RAB2A: variants seen among roughly 807,000 people sequenced by gnomAD.
The protein encoded by RAB2A is ras-related protein Rab-2A.
RAB2A carries 7 observed loss-of-function variants against 32.5 expected under a neutral mutation model. That is an observed-to-expected ratio of 0.22 (90% CI 0.12 to 0.40). The LOEUF (loss-of-function observed/expected upper bound fraction) is 0.40, where lower values mean the gene tolerates loss of function less well. Among genes scored for constraint, RAB2A ranks in the 10% least tolerant of loss-of-function variants. RAB2A has a pLI of 1.00. For synonymous variants in RAB2A, 79 were observed against 85.2 expected (o/e 0.93, Z 0.40); for missense variants, 108 against 260.7 (o/e 0.41, Z 4.03).
At chr8:60,598,933 A>T (rs1804078002) in intron 6 of RAB2A, among the ~76,000 whole-genome samples, 1 of 121,210 alleles carries the variant, frequency 8.3e-6, no homozygotes, top group Non-Finnish European at 1.6e-5. Flanking sequence ...CCAGTGCAGT[A>T]AAGCAAAAAA....
intron 2 of RAB2A, among the ~76,000 whole-genome samples, chr8:60,569,274 G>A (rs563814004): frequency 6.1e-4 from 93 of 151,918 alleles, no homozygotes; most frequent in African/African-American, 2.1e-3. Flanking sequence ...CTTTTAACTG[G>A]TCTCTTTGCT....
At chr8:60,586,133 C>T (rs781048570) in intron 5 of RAB2A, among the ~76,000 whole-genome samples, 3 of 152,022 alleles carry the variant, frequency 2.0e-5, no homozygotes, top group Non-Finnish European at 4.4e-5. Flanking sequence ...GACTCCATCT[C>T]TACAACAAAT....
At chr8:60,619,127 G>A (rs1445510717) in intron 7 of RAB2A, 1 of 149,590 alleles carries the variant, frequency 6.7e-6, no homozygotes, top group African/African-American at 2.6e-5. Context: ...ATGTTTTCAG[G>A]AGACTAAATT....
intron 6 of RAB2A, among the ~76,000 whole-genome samples, chr8:60,595,639 G>A (rs571421776): frequency 6.6e-6 from 1 of 152,260 alleles, no homozygotes; most frequent in African/African-American, 2.4e-5. Context: ...TTATCAGAGT[G>A]GGACATTATA....
At position 60,622,409 on chromosome 8, in the gene RAB2A, G is replaced by A. The variant is rs1028751517; in HGVS notation, c.*1640G>A. 1 of 152,198 alleles carries A rather than the reference G, an allele frequency of 6.6e-6. No homozygotes were observed. Among genetic ancestry groups the A allele is most frequent in the African/African-American group, 2.4e-5 (1 of 41,442 alleles). The allele number at this position is 152,198 out of a possible 1,614,324, so 9.4% of individuals were successfully genotyped here. A position where few individuals can be genotyped will look rare whatever the true frequency, so the allele number is the denominator to read the frequency against. On this transcript the variant is annotated 3_prime_UTR_variant, in exon 8 of 8. Transcript: ENST00000262646. ...ATAGTTTTGTTTTAACTGTCTCCTTGAGGGCAGAGGGAAGGGTGAGAGAAA... is the reference window on the plus strand; with the variant it reads ...ATAGTTTTGTTTTAACTGTCTCCTTAAGGGCAGAGGGAAGGGTGAGAGAAA...
At chr8:60,620,034 AT>A (rs1804504247) in intron 7 of RAB2A, among the ~76,000 whole-genome samples, 1 of 152,234 alleles carries the variant, frequency 6.6e-6, no homozygotes, top group Non-Finnish European at 1.5e-5. Flanking sequence ...TAAATCTGAG[AT>A]TTACTGTGAC....
chr8:60,573,082 T>TAGTC (rs71557798), intron 3 of RAB2A, among the ~76,000 whole-genome samples: 80,695 of 151,644 alleles, frequency 0.53, 24,294 homozygotes, highest in African/African-American at 0.83. Context: ...CTCACACAAA[T>TAGTC]AGTTGGGAAA....
rs551958626 is a variant in RAB2A at position 60,594,630 on chromosome 8, C to A, written c.474+2661C>A. ...TATTTCTCCTAATGCTATCCCTCCCCCAGCCCTTCAACCCCCAACAGGCCC... is the reference window on the plus strand; with the variant it reads ...TATTTCTCCTAATGCTATCCCTCCCACAGCCCTTCAACCCCCAACAGGCCC... On this transcript the variant is annotated intron_variant, in intron 6 of 7. Transcript: ENST00000262646. Among the ~76,000 whole-genome samples the A allele has an allele frequency of 5.3e-5, 8 of 152,244 alleles. No individual in the cohort carries two copies. The East Asian group carries it at 1.4e-3, about 26-fold the overall frequency.
At chr8:60,561,700 G>A (rs1808028265) in intron 2 of RAB2A, among the ~76,000 whole-genome samples, 1 of 152,136 alleles carries the variant, frequency 6.6e-6, no homozygotes, top group African/African-American at 2.4e-5. Flanking sequence ...AGAGTTCATT[G>A]GCTCAATTTG....
intron 1 of RAB2A, among the ~76,000 whole-genome samples, chr8:60,557,717 C>T (rs551365317): frequency 6.6e-6 from 1 of 151,088 alleles, no homozygotes; most frequent in South Asian, 2.1e-4. Flanking sequence ...AGATGCGCAC[C>T]ACCACACCCA....
chr8:60,580,032 T>C (rs1014325250), intron 3 of RAB2A, among the ~76,000 whole-genome samples: 1 of 150,958 alleles, frequency 6.6e-6, no homozygotes, highest in Non-Finnish European at 1.5e-5. Flanking sequence ...AGTCTCACTC[T>C]GTTGCCCAGG....
intron 1 of RAB2A, among the ~76,000 whole-genome samples, chr8:60,553,993 G>A (rs1008853764): frequency 1.3e-5 from 2 of 152,140 alleles, no homozygotes; most frequent in Admixed American, 1.3e-4. Flanking sequence ...AGGGGACAAT[G>A]GTTTGTTGTT....
intron 1 of RAB2A, among the ~76,000 whole-genome samples, chr8:60,550,068 T>C (rs1337975492): frequency 6.6e-6 from 1 of 152,140 alleles, no homozygotes; most frequent in Non-Finnish European, 1.5e-5. Context: ...TACTCACATA[T>C]TCACTTGTCT....
chr8:60,569,723 G>A (rs981916058), intron 2 of RAB2A, among the ~76,000 whole-genome samples: 6 of 152,036 alleles, frequency 3.9e-5, no homozygotes, highest in Non-Finnish European at 7.4e-5. Flanking sequence ...ACGTTGTCCA[G>A]GCTAGTTTCA....
At position 60,517,105 on chromosome 8, in the gene RAB2A, G is replaced by T. The variant is rs550266054; in HGVS notation, c.-103G>T. On this transcript the variant is annotated 5_prime_UTR_variant, in exon 1 of 8. Transcript: ENST00000262646. ...GACAGCAGCAGCGGCGGCGGCGGGC[G>T]GCGCCTGGCGTTTCGAGGCTGAGCG... 70 of 1,238,772 alleles carry T rather than the reference G, an allele frequency of 5.7e-5. No homozygotes were observed. The Middle Eastern group carries it at 1.4e-3, about 25-fold the overall frequency. The allele number at this position is 1,238,772 out of a possible 1,614,324, so 76.7% of individuals were successfully genotyped here.
intron 1 of RAB2A, among the ~76,000 whole-genome samples, chr8:60,528,103 G>C (rs6996344): frequency 0.23 from 34,975 of 152,096 alleles, 4,110 homozygotes; most frequent in Middle Eastern, 0.39. Flanking sequence ...TTACTGTTTG[G>C]TCTGTTAAGT....
chr8:60,522,834 C>T (rs1282157223), intron 1 of RAB2A, among the ~76,000 whole-genome samples: 5 of 151,856 alleles, frequency 3.3e-5, no homozygotes, highest in Non-Finnish European at 5.9e-5. Context: ...TCTTTAGATT[C>T]TTGTGAATCA....
chr8:60,619,894 G>A (rs369230146), intron 7 of RAB2A, among the ~76,000 whole-genome samples: 1 of 152,246 alleles, frequency 6.6e-6, no homozygotes, highest in African/African-American at 2.4e-5. Flanking sequence ...AAATCAATGA[G>A]CCATAGGGCA....
At chr8:60,559,524 G>A (rs1481238175) in intron 2 of RAB2A, among the ~76,000 whole-genome samples, 1 of 152,160 alleles carries the variant, frequency 6.6e-6, no homozygotes, top group Non-Finnish European at 1.5e-5. Flanking sequence ...ACAAATATTA[G>A]CTGTTATTAT....
Sources: allele counts gnomAD v4.1 joint callset (sites outside exome capture counted in the v4.1 genomes callset), GRCh38; gene constraint gnomAD v4.1.1; transcripts MANE v1.5; gene names NCBI Gene and HGNC (gene_info 2026-07-23, HGNC 2026-07-21).